The following RALGAPA2 variants were observed in gnomAD, a reference collection of about 807,000 sequenced individuals.
The protein encoded by RALGAPA2 is ral GTPase-activating protein subunit alpha-2.
In RALGAPA2, 139 loss-of-function variants were observed where a neutral mutation model predicts 230.4. That is an observed-to-expected ratio of 0.60 (90% CI 0.53 to 0.69). The LOEUF is 0.69. Among genes scored for constraint, RALGAPA2 ranks in the 30% least tolerant of loss-of-function variants. The pLI is 0.00. For synonymous variants in RALGAPA2, 847 were observed against 837.8 expected, an observed-to-expected ratio of 1.01 and a Z score of -0.19; for missense variants, 2,163 against 2,276.0, an observed-to-expected ratio of 0.95 and a Z score of 1.01.
In RALGAPA2 at chr20:20,659,406, T is replaced by C. The variant is rs530993763; in HGVS notation, c.271-5819A>G. ...CATTAACATTATAACAAAATGTTAT[T>C]TGAGGACCTGCTATACGTTTAAAGT... On this transcript the variant is annotated intron_variant, in intron 3 of 39. Transcript: ENST00000202677. 1.2e-4 allele frequency among the ~76,000 whole-genome samples: 18 copies of C among 152,348 alleles called. No homozygotes were observed. In the South Asian group the frequency reaches 3.5e-3, roughly 30 times the overall value.
rs1419719650 is a variant in RALGAPA2 at position 20,392,438 on chromosome 20, T to A, written c.*851A>T. 1 of 152,200 alleles carries A rather than the reference T, an allele frequency of 6.6e-6. No homozygotes were observed. The highest frequency in any genetic ancestry group is 6.5e-5 in the Admixed American group (1 of 15,294). 9.4% of individuals were successfully genotyped at this position (152,200 alleles called of 1,614,324 possible). A position where few individuals can be genotyped will look rare whatever the true frequency, so the allele number is the denominator to read the frequency against. On this transcript the variant is annotated 3_prime_UTR_variant, in exon 40 of 40. Coordinates refer to ENST00000202677, the MANE Select transcript of RALGAPA2 (RefSeq NM_020343.4). The stretch of plus-strand genomic sequence containing the variant: ...CTCAGCCTAGCGCCTGAAGCCGGCA[T>A]GCGCCTTTTGTGTGGATGTGGTCTG...
At chr20:20,509,948 T>C (rs2062652320) in intron 33 of RALGAPA2, among the ~76,000 whole-genome samples, 1 of 152,192 alleles carries the variant, frequency 6.6e-6, no homozygotes, top group African/African-American at 2.4e-5. Flanking sequence ...TTATATCCAA[T>C]TCAAGAATTC....
At chr20:20,575,746 T>C (rs1303003615) in intron 20 of RALGAPA2, among the ~76,000 whole-genome samples, 3 of 152,178 alleles carry the variant, frequency 2.0e-5, no homozygotes, top group Non-Finnish European at 4.4e-5. Context: ...GCTTCCCCTA[T>C]TACTGACACA....
chr20:20,597,392 G>C (rs2065488417), intron 16 of RALGAPA2, among the ~76,000 whole-genome samples: 1 of 152,080 alleles, frequency 6.6e-6, no homozygotes, highest in African/African-American at 2.4e-5. Context: ...ATAGTTACTG[G>C]AGAAAAAGAG....
chr20:20,605,497 T>G, intron 14 of RALGAPA2, 85 bp from the exon 15 acceptor site: 1 of 977,474 alleles, frequency 1.0e-6, no homozygotes, highest in Non-Finnish European at 1.5e-6. Flanking sequence ...AAATTACTAT[T>G]AATAACACAA....
chr20:20,511,114 G>T, intron 33 of RALGAPA2, 140 bp downstream of exon 33: 1 of 1,378,568 alleles, frequency 7.3e-7, no homozygotes, highest in South Asian at 1.4e-5. Context: ...GGTATGGCAT[G>T]CGCAAATGTC....
At chr20:20,507,336 T>C (rs1208413261) in intron 33 of RALGAPA2, among the ~76,000 whole-genome samples, 1 of 152,188 alleles carries the variant, frequency 6.6e-6, no homozygotes, top group African/African-American at 2.4e-5. Flanking sequence ...CTTTAATGTT[T>C]TTAATCTTTT....
At position 20,514,483 on chromosome 20, in the gene RALGAPA2, C is replaced by G. The variant is rs150414530; in HGVS notation, c.4085-1199G>C. ...TCCTGGTGCAGGGGAACCCTCTCCACTCCACATCCAGATGGATCTCCAGGT... is the reference window on the plus strand; with the variant it reads ...TCCTGGTGCAGGGGAACCCTCTCCAGTCCACATCCAGATGGATCTCCAGGT... On this transcript the variant is annotated intron_variant, in intron 31 of 39. Transcript: ENST00000202677. Among the ~76,000 whole-genome samples, 5 of 152,206 alleles carry G rather than the reference C, an allele frequency of 3.3e-5. No individual in the cohort carries two copies. In the East Asian group the frequency reaches 5.8e-4, roughly 18 times the overall value.
At chr20:20,450,206 CACTA>C (rs757323710) in intron 37 of RALGAPA2, among the ~76,000 whole-genome samples, 4 of 152,306 alleles carry the variant, frequency 2.6e-5, no homozygotes, top group East Asian at 3.9e-4. Flanking sequence ...GGCAAAAGCA[CACTA>C]ACTAACATCA....
rs142599846 is a variant in RALGAPA2 at position 20,420,084 on chromosome 20, A to G, written c.5496-7936T>C. On this transcript the variant is annotated intron_variant, in intron 37 of 39. Coordinates refer to ENST00000202677, the MANE Select transcript of RALGAPA2 (RefSeq NM_020343.4). Reference sequence around the variant, plus strand: ...GAGGGAAGCAGCTAACCAAGCAGGGATGAAGTGGGGTAAGGAGTGTAAGAG... The same window carrying G: ...GAGGGAAGCAGCTAACCAAGCAGGGGTGAAGTGGGGTAAGGAGTGTAAGAG... 9.8e-3 allele frequency among the ~76,000 whole-genome samples: 1,500 copies of G among 152,288 alleles called. 17 individuals carry two copies. Among genetic ancestry groups the G allele is most frequent in the Non-Finnish European group, 0.014 (937 of 68,012 alleles).
intron 1 of RALGAPA2, among the ~76,000 whole-genome samples, chr20:20,681,064 C>T (rs1327248513): frequency 2.6e-5 from 4 of 152,138 alleles, no homozygotes; most frequent in Non-Finnish European, 5.9e-5. Context: ...CCAGCAACAA[C>T]GGACCAGCTA....
At position 20,466,749 on chromosome 20, in the gene RALGAPA2, T is replaced by A. The variant is rs1292067534; in HGVS notation, c.5495+6080A>T. ...CATCACTCTCATCTCTCATCTCCAA[T>A]CTGTGGCCAACCGAAATCCTCAGAC... On this transcript the variant is annotated intron_variant, in intron 37 of 39. Coordinates refer to ENST00000202677, the MANE Select transcript of RALGAPA2 (RefSeq NM_020343.4). Among the ~76,000 whole-genome samples the A allele has an allele frequency of 2.0e-5, 3 of 152,156 alleles. No homozygotes were observed. In the South Asian group the frequency reaches 6.2e-4, roughly 31 times the overall value.
chr20:20,600,251 G>A (rs1198060266), intron 16 of RALGAPA2, among the ~76,000 whole-genome samples: 3 of 152,078 alleles, frequency 2.0e-5, no homozygotes, highest in African/African-American at 4.8e-5. Context: ...AGCTGAGATC[G>A]CTCCACTGCG....
chr20:20,558,484 T>C (rs990660037), intron 23 of RALGAPA2, among the ~76,000 whole-genome samples: 1 of 152,184 alleles, frequency 6.6e-6, no homozygotes. Flanking sequence ...ATAAACACGT[T>C]AACTCCTACT....
Position 20,412,030 on chromosome 20 carries a change from T to G in RALGAPA2, c.5614A>C (p.Thr1872Pro). The G allele has an allele frequency of 6.2e-7, 1 of 1,613,972 alleles. No individual in the cohort carries two copies. The highest frequency in any genetic ancestry group is 8.5e-7 in the Non-Finnish European group (1 of 1,179,824). Residue 1872 changes from threonine (T) to proline (P), a missense_variant, in exon 38 of 40, where the codon ACG (threonine) becomes CCG (proline). Coordinates refer to ENST00000202677, the MANE Select transcript of RALGAPA2 (RefSeq NM_020343.4). ...GAAGAATAATGTAGACACTCACCCGTTCCGCTGAGGGAGTAGCTGGGAGAG... is the reference window on the plus strand; with the variant it reads ...GAAGAATAATGTAGACACTCACCCGGTCCGCTGAGGGAGTAGCTGGGAGAG... ...SPSPSYSLSG[T>P]D
At chr20:20,475,511 T>G (rs1394622761) in intron 36 of RALGAPA2, among the ~76,000 whole-genome samples, 4 of 152,058 alleles carry the variant, frequency 2.6e-5, no homozygotes, top group Non-Finnish European at 5.9e-5. Context: ...GAACAAGCAT[T>G]AAATAAAATT....
At chr20:20,707,454 A>T (rs2069651227) in intron 1 of RALGAPA2, among the ~76,000 whole-genome samples, 1 of 152,164 alleles carries the variant, frequency 6.6e-6, no homozygotes, top group Non-Finnish European at 1.5e-5. Flanking sequence ...ACAATCCAGG[A>T]AATGGTAAGC....
At chr20:20,605,111 C>T in intron 15 of RALGAPA2, 64 bp downstream of exon 15, 1 of 1,392,180 alleles carries the variant, frequency 7.2e-7, no homozygotes, top group Non-Finnish European at 1.0e-6. Context: ...ATTGCTTAGT[C>T]ATACAAATAC....
At chr20:20,648,873 C>A (rs2067302834) in intron 4 of RALGAPA2, among the ~76,000 whole-genome samples, 1 of 152,096 alleles carries the variant, frequency 6.6e-6, no homozygotes, top group Admixed American at 6.5e-5. Flanking sequence ...AGACCATGAT[C>A]TCACCCCCAC....
Sources: gnomAD v4.1 joint callset for allele counts (sites outside exome capture counted in the v4.1 genomes callset) on GRCh38, gnomAD v4.1.1 for gene constraint, MANE v1.5 for transcripts, NCBI Gene and HGNC (gene_info 2026-07-23, HGNC 2026-07-21) for gene names.